GFPT2: variants seen among roughly 807,000 people sequenced by gnomAD.
GFPT2 encodes glutamine--fructose-6-phosphate aminotransferase [isomerizing] 2.
GFPT2 carries 62 observed loss-of-function variants against 85.6 expected under a neutral mutation model. That is an observed-to-expected ratio of 0.72 (90% CI 0.59 to 0.90). GFPT2 has a LOEUF of 0.90. GFPT2 is among the 40% of genes least tolerant of loss of function. The pLI, the probability that GFPT2 is intolerant of heterozygous loss-of-function variation, is 0.00. For synonymous variants in GFPT2, 368 were observed against 344.5 expected (o/e 1.07, Z -0.75); for missense variants, 788 against 893.4 (o/e 0.88, Z 1.50).
At position 180,304,782 on chromosome 5, in the gene GFPT2, G is replaced by C. The variant is rs780725432; in HGVS notation, c.1832C>G (p.Thr611Arg). The change falls in exon 17 of 19, where the codon ACG becomes AGG. Residue 611 changes from threonine (T) to arginine (R), a missense_variant. Transcript: ENST00000253778. ...GTGGAGAGCCCTCACCTGGCGGGCC[G>C]TGACTTGCTGCAGGGCGTTCTGGCA... is the stretch of plus-strand genomic sequence containing the variant. ...AKCQNALQQV[T>R]ARQGRPIILC... The C allele has an allele frequency of 1.2e-6, 2 of 1,612,838 alleles. No homozygotes were observed. Among genetic ancestry groups the C allele is most frequent in the Non-Finnish European group, 1.7e-6 (2 of 1,179,416 alleles).
chr5:180,310,567 C>T (rs1278234889), intron 15 of GFPT2, among the ~76,000 whole-genome samples: 1 of 151,914 alleles, frequency 6.6e-6, no homozygotes, highest in Non-Finnish European at 1.5e-5. Context: ...CCTGCCACCA[C>T]ATCCAGCTGC....
chr5:180,313,407 C>A (rs962178705), intron 14 of GFPT2, among the ~76,000 whole-genome samples: 1 of 148,546 alleles, frequency 6.7e-6, no homozygotes, highest in African/African-American at 2.5e-5. Context: ...CCGGCTAACA[C>A]GGTGAAACCC....
In GFPT2 at chr5:180,323,099, C is replaced by T. The variant is rs969099961; in HGVS notation, c.794+1089G>A. Among the ~76,000 whole-genome samples the T allele has an allele frequency of 3.3e-5, 5 of 152,034 alleles. No homozygotes were observed. Among genetic ancestry groups the T allele is most frequent in the African/African-American group, 9.7e-5 (4 of 41,402 alleles). On this transcript the variant is annotated intron_variant, in intron 9 of 18. Transcript: ENST00000253778. This position sits in a 1 kb window ranked among gnomAD's most constrained non-coding sequence, Gnocchi z 4.0. Reference sequence around the variant, plus strand: ...TCATTGAATATAAGTTACTATTGATCGTTAAGATCACAATTATTTGACAAA... The same window carrying T: ...TCATTGAATATAAGTTACTATTGATTGTTAAGATCACAATTATTTGACAAA...
At chr5:180,305,655 C>T (rs561328445) in intron 16 of GFPT2, among the ~76,000 whole-genome samples, 450 of 152,348 alleles carry the variant, frequency 3.0e-3, no homozygotes, top group Non-Finnish European at 4.5e-3. Flanking sequence ...GCCACCTAAA[C>T]GCTTCTTCCT....
At chr5:180,346,551 C>G (rs1016286199) in intron 1 of GFPT2, among the ~76,000 whole-genome samples, 1 of 152,234 alleles carries the variant, frequency 6.6e-6, no homozygotes, top group Non-Finnish European at 1.5e-5. Flanking sequence ...GCGGGCCCAC[C>G]GCGTGACGTC....
intron 1 of GFPT2, among the ~76,000 whole-genome samples, chr5:180,348,885 G>A (rs1369495208): frequency 6.6e-6 from 1 of 151,776 alleles, no homozygotes; most frequent in African/African-American, 2.4e-5. Context: ...GGGACTACAG[G>A]TGCGTGCCAC....
At chr5:180,307,417 C>A in intron 15 of GFPT2, 114 bp from the exon 16 acceptor site, 1 of 992,998 alleles carries the variant, frequency 1.0e-6, no homozygotes, top group Non-Finnish European at 1.5e-6. Context: ...TCACTTAGCA[C>A]ACTTTGCTTC....
At position 180,313,875 on chromosome 5, in the gene GFPT2, T is replaced by G. The variant is rs148353512; in HGVS notation, c.1363A>C (p.Ile455Leu). 8,778 of 1,605,904 alleles carry G rather than the reference T, an allele frequency of 5.5e-3. 220 individuals carry two copies. In the East Asian group the frequency reaches 0.071, roughly 13 times the overall value. Residue 455 changes from isoleucine (I) to leucine (L), a missense_variant, in exon 14 of 19, where the codon ATC (isoleucine) becomes CTC (leucine). Physicochemically the swap from Ile to Leu is conservative, Grantham distance 5 (BLOSUM62 2). Transcript: ENST00000253778. The stretch of plus-strand genomic sequence containing the variant: ...ACGCCGCAGTCGGTCTCGCGAGAGA[T>G]GGAGCTGCCCACGGTGTTGGTGACG... ...VGVTNTVGSS[I>L]SRETDCGVHI...
chr5:180,334,171 C>T (rs1385871389), intron 4 of GFPT2, among the ~76,000 whole-genome samples: 2 of 152,204 alleles, frequency 1.3e-5, no homozygotes, highest in Non-Finnish European at 2.9e-5. Context: ...AAGAGGCCCT[C>T]GCAAAAACCT....
rs540497962 is a variant in GFPT2 at position 180,336,021 on chromosome 5, C to A, written c.215-68G>T. 1.4e-5 allele frequency: 21 copies of A among 1,463,182 alleles called. No homozygotes were observed. The African/African-American group carries it at 2.6e-4, about 18-fold the overall frequency. 90.6% of individuals were successfully genotyped at this position (1,463,182 alleles called of 1,614,324 possible). A position where few individuals can be genotyped will look rare whatever the true frequency, so the allele number is the denominator to read the frequency against. On this transcript the variant is annotated intron_variant, in intron 3 of 18. Transcript: ENST00000253778. ...CCTCGACCCAGGACTGTGAGTGCAA[C>A]CTGGTGTCGTTACCCAAGTCACGTC... is the stretch of plus-strand genomic sequence containing the variant.
chr5:180,342,969 A>G (rs1352938899), intron 1 of GFPT2, among the ~76,000 whole-genome samples: 1 of 152,164 alleles, frequency 6.6e-6, no homozygotes, highest in Non-Finnish European at 1.5e-5. Flanking sequence ...CTGTGGGGAC[A>G]TGGTCAAATT....
At chr5:180,331,652 AG>A (rs371514486) in intron 4 of GFPT2, 99 bp from the exon 5 acceptor site, 89 of 753,172 alleles carry the variant, frequency 1.2e-4, no homozygotes, top group African/African-American at 1.1e-3. Context: ...TGCAAACTCC[AG>A]GCCTCAAGAC....
Position 180,318,347 on chromosome 5 carries a change from C to T in GFPT2, c.958+446G>A, listed in dbSNP as rs12654592. Among the ~76,000 whole-genome samples, 4 of 152,060 alleles carry T rather than the reference C, an allele frequency of 2.6e-5. No homozygotes were observed. The highest frequency in any genetic ancestry group is 2.1e-4 in the South Asian group (1 of 4,828). The stretch of plus-strand genomic sequence containing the variant: ...ACAGGGGCTGATTCATGTTCTTAGA[C>T]GTTTGCTCAGGCTGCCCTGTGGGGT... On this transcript the variant is annotated intron_variant, in intron 10 of 18. Transcript: ENST00000253778. The surrounding 1 kb of genome is among the most constrained non-coding windows in gnomAD (Gnocchi z 4.2).
At chr5:180,307,879 G>A (rs1360846472) in intron 15 of GFPT2, among the ~76,000 whole-genome samples, 1 of 152,322 alleles carries the variant, frequency 6.6e-6, no homozygotes, top group South Asian at 2.1e-4. Flanking sequence ...TTGGGAGGCC[G>A]AGGCGGGTGG....
Position 180,324,314 on chromosome 5 carries a change from T to C in GFPT2, c.677-9A>G. Reference sequence around the variant, plus strand: ...CACATTCTCCAGAGTGCCTAGCAAATGGAGGAATGGGTTGCAAATCCCACT... The same window carrying C: ...CACATTCTCCAGAGTGCCTAGCAAACGGAGGAATGGGTTGCAAATCCCACT... On this transcript the variant is annotated splice_polypyrimidine_tract_variant and intron_variant, in intron 8 of 18. Transcript: ENST00000253778. 1.4e-6 allele frequency: 2 copies of C among 1,448,814 alleles called. No individual in the cohort carries two copies. Among genetic ancestry groups the C allele is most frequent in the Non-Finnish European group, 1.9e-6 (2 of 1,039,658 alleles). The allele number at this position is 1,448,814 out of a possible 1,614,324, so 89.7% of individuals were successfully genotyped here.
At chr5:180,346,721 C>T (rs1162357000) in intron 1 of GFPT2, among the ~76,000 whole-genome samples, 1 of 152,208 alleles carries the variant, frequency 6.6e-6, no homozygotes, top group Non-Finnish European at 1.5e-5. Flanking sequence ...AACCCCCTAC[C>T]CCAGATGAAG....
rs368763354 is a variant in GFPT2, at chr5:180,338,469, C to T, written c.115+24G>A. 102 of 1,370,742 alleles carry T rather than the reference C, an allele frequency of 7.4e-5. 1 individual carries two copies. The highest frequency in any genetic ancestry group is 6.1e-4 in the South Asian group (52 of 85,214). 84.9% of individuals were successfully genotyped at this position (1,370,742 alleles called of 1,614,324 possible). On this transcript the variant is annotated intron_variant, in intron 2 of 18. Transcript: ENST00000253778. ...AGCAGCGGAGCCCGGTCCCCAGCCACGAGGCGGGCGGCCGCACACCCACCT... is the reference window on the plus strand; with the variant it reads ...AGCAGCGGAGCCCGGTCCCCAGCCATGAGGCGGGCGGCCGCACACCCACCT...
At chr5:180,337,309 A>T (rs916206640) in intron 2 of GFPT2, among the ~76,000 whole-genome samples, 1 of 152,004 alleles carries the variant, frequency 6.6e-6, no homozygotes, top group Admixed American at 6.5e-5. Flanking sequence ...AAAAATTAGC[A>T]GGGTGTGGTG....
chr5:180,313,415 C>T (rs1461482568), intron 14 of GFPT2, among the ~76,000 whole-genome samples: 2 of 148,300 alleles, frequency 1.3e-5, no homozygotes, highest in African/African-American at 4.9e-5. Flanking sequence ...CACGGTGAAA[C>T]CCCGTCTCTA....
Sources: allele counts gnomAD v4.1 joint callset (sites outside exome capture counted in the v4.1 genomes callset), GRCh38; gene constraint gnomAD v4.1.1; non-coding constraint Gnocchi (gnomAD v3.1); transcripts MANE v1.5; gene names NCBI Gene and HGNC (gene_info 2026-07-23, HGNC 2026-07-21).